The following USP8 variants were observed in gnomAD, a reference collection of about 807,000 sequenced individuals.
The protein encoded by USP8 is ubiquitin carboxyl-terminal hydrolase 8.
A neutral mutation model predicts 130.0 loss-of-function variants in USP8; 27 were observed. That is an observed-to-expected ratio of 0.21 (90% CI 0.15 to 0.29). The LOEUF (loss-of-function observed/expected upper bound fraction) is 0.29. Ranked by LOEUF, USP8 falls within the 10% of genes least tolerant of loss-of-function variation. The pLI, the probability that USP8 is intolerant of heterozygous loss-of-function variation, is 1.00. For missense variants in USP8, 1,029 were observed against 1,312.2 expected (o/e 0.78, Z 3.33); for synonymous variants, 392 against 444.1 (o/e 0.88, Z 1.48).
At chr15:50,484,635 A>C (rs1470341176) in intron 12 of USP8, among the ~76,000 whole-genome samples, 2 of 152,234 alleles carry the variant, frequency 1.3e-5, no homozygotes, top group East Asian at 3.8e-4. Context: ...ATGATCCAGC[A>C]ATTCTACTTC....
chr15:50,459,354 C>T (rs574746924), intron 5 of USP8, among the ~76,000 whole-genome samples, 192 bp downstream of exon 5: 108 of 152,250 alleles, frequency 7.1e-4, no homozygotes, highest in Admixed American at 6.5e-5. Flanking sequence ...GAGGCCGAGG[C>T]GGGCAGATCA....
At chr15:50,484,492 T>TCA in intron 12 of USP8, 131 bp downstream of exon 12, 1 of 686,268 alleles carries the variant, frequency 1.5e-6, no homozygotes, top group Admixed American at 3.7e-5. Flanking sequence ...CCATCTTTGG[T>TCA]AGCTGGTGTT....
chr15:50,490,137 CG>C, intron 13 of USP8, 125 bp from the exon 14 acceptor site: 1 of 1,103,400 alleles, frequency 9.1e-7, no homozygotes, highest in Non-Finnish European at 1.3e-6. Context: ...TGAAGTTTAT[CG>C]CCATTTTATT....
At chr15:50,442,447 A>C (rs949745432) in intron 3 of USP8, among the ~76,000 whole-genome samples, 1 of 152,188 alleles carries the variant, frequency 6.6e-6, no homozygotes. Context: ...TTGTATTAGA[A>C]ACTAGCAAAA....
chr15:50,471,668 A>G lies in USP8; in HGVS notation c.722A>G (p.Asp241Gly), dbSNP rs757443139. 8 of 1,613,788 alleles carry G rather than the reference A, an allele frequency of 5.0e-6. No homozygotes were observed. Among genetic ancestry groups the G allele is most frequent in the African/African-American group, 2.7e-5 (2 of 74,938 alleles). ...AGTTGGATTGAAGCACACCTGCCAG[A>G]TGATTCTAAAGACACATGGAAGAAG... ...TASWIEAHLP[D>G]DSKDTWKKRG... is the part of the protein sequence containing the mutation. The change falls in exon 8 of 20, where the codon GAT (aspartate) becomes GGT (glycine). Residue 241 changes from aspartate to glycine, a missense_variant. Transcript: ENST00000307179.
In USP8 at chr15:50,472,343, C is replaced by G. The variant is rs907915268; in HGVS notation, c.849+548C>G. Reference sequence around the variant, plus strand: ...AGGCGCGGTGGCTCAAGCCTGTAACCCCAGCACTTTGGGAGGCTGAGGTGG... The same window carrying G: ...AGGCGCGGTGGCTCAAGCCTGTAACGCCAGCACTTTGGGAGGCTGAGGTGG... On this transcript the variant is annotated intron_variant, in intron 8 of 19. Transcript: ENST00000307179. Among the ~76,000 whole-genome samples the G allele has an allele frequency of 5.3e-5, 8 of 151,626 alleles. No individual in the cohort carries two copies. The East Asian group carries it at 1.4e-3, about 26-fold the overall frequency.
intron 14 of USP8, 112 bp from the exon 15 acceptor site, chr15:50,492,588 GT>G (rs2052217955): frequency 9.8e-7 from 1 of 1,017,458 alleles, no homozygotes. Flanking sequence ...CATATTAACT[GT>G]TTACAAGATG....
At position 50,499,094 on chromosome 15, in the gene USP8, CAT is replaced by C; in HGVS notation, c.*8_*9del. On this transcript the variant is annotated 3_prime_UTR_variant, in exon 20 of 20. Transcript: ENST00000307179. The stretch of plus-strand genomic sequence containing the variant: ...TAACTGATGTAGCCACATAAGGAGA[CAT>C]AGGTTATAAACTAGTTATCTTTTAA... 1 of 1,587,808 alleles carries C rather than the reference CAT, an allele frequency of 6.3e-7. No individual in the cohort carries two copies. The highest frequency in any genetic ancestry group is 1.1e-5 in the South Asian group (1 of 87,578).
chr15:50,449,521 T>C, intron 4 of USP8, 36 bp downstream of exon 4: 2 of 1,319,514 alleles, frequency 1.5e-6, no homozygotes, highest in Non-Finnish European at 2.0e-6. Context: ...ATAATGTAAA[T>C]TTAGAAGATA....
rs766331208 is a variant in USP8 at position 50,476,871 on chromosome 15, G to A, written c.872G>A (p.Arg291His). The A allele has an allele frequency of 1.8e-5, 29 of 1,588,752 alleles. No individual in the cohort carries two copies. Among genetic ancestry groups the A allele is most frequent in the South Asian group, 4.7e-5 (4 of 85,262 alleles). ...LFKWESKTVL[R>H]NEPLVLEGGY... ...TAGTGGGAAAGTAAAACTGTCCTGCGCAATGAGCCTTTGGTTTTAGAGGGA... is the reference window on the plus strand; with the variant it reads ...TAGTGGGAAAGTAAAACTGTCCTGCACAATGAGCCTTTGGTTTTAGAGGGA... The change falls in exon 9 of 20, where the codon CGC becomes CAC. Residue 291 changes from arginine to histidine, a missense_variant. Physicochemically the swap from Arg to His is conservative, Grantham distance 29. This residue lies in a region of USP8 where 281 missense variants were observed against 336.7 expected (regional missense o/e 0.83). Coordinates refer to ENST00000307179, the MANE Select transcript of USP8 (RefSeq NM_005154.5).
At chr15:50,497,025 G>A in intron 17 of USP8, 64 bp from the exon 18 acceptor site, 1 of 1,534,908 alleles carries the variant, frequency 6.5e-7, no homozygotes, top group South Asian at 1.3e-5. Context: ...AACTAAATAG[G>A]TGCTCTCTGA....
chr15:50,471,787 C>T lies in USP8; in HGVS notation c.841C>T (p.Leu281Phe). The change falls in exon 8 of 20, where the codon CTT becomes TTT. Residue 281 changes from leucine to phenylalanine, a missense_variant. Physicochemically the swap from Leu to Phe is conservative, Grantham distance 22 (BLOSUM62 0). Around this residue, in one of 4 missense-constraint regions of USP8, gnomAD observed 281 missense variants for 336.7 expected, o/e 0.83. Transcript: ENST00000307179. ...AACTCTCCGGAGTCTGAAAGATGCACTTTTCAAGGTTTGCAAGTTTCATTG... is the reference window on the plus strand; with the variant it reads ...AACTCTCCGGAGTCTGAAAGATGCATTTTTCAAGGTTTGCAAGTTTCATTG... ...GTTLRSLKDA[L>F]FKWESKTVLR... 6.2e-7 allele frequency: 1 copy of T among 1,613,480 alleles called. No homozygotes were observed. The highest frequency in any genetic ancestry group is 1.7e-5 in the Admixed American group (1 of 59,916).
rs959634953 is a variant in USP8 at position 50,494,138 on chromosome 15, C to T, written c.2516C>T (p.Thr839Ile). 1.2e-6 allele frequency: 2 copies of T among 1,612,402 alleles called. No individual in the cohort carries two copies. Among genetic ancestry groups the T allele is most frequent in the South Asian group, 1.1e-5 (1 of 90,794 alleles). ...EFGIIMKALW[T>I]GQYRYISPKD... is the part of the protein sequence containing the mutation. ...GGTATAATCATGAAAGCCCTGTGGA[C>T]AGGACAGTATAGATATATCAGTCCA... is the stretch of plus-strand genomic sequence containing the variant. The change falls in exon 16 of 20, where the codon ACA becomes ATA. Residue 839 changes from threonine (T) to isoleucine (I), a missense_variant. Thr to Ile is a moderately conservative substitution (Grantham distance 89, BLOSUM62 -1). Transcript: ENST00000307179.
chr15:50,490,828 T>C (rs1259398455), intron 14 of USP8, among the ~76,000 whole-genome samples: 1 of 152,206 alleles, frequency 6.6e-6, no homozygotes, highest in East Asian at 1.9e-4. Context: ...AGACCGCCTG[T>C]GGTCCCGGAA....
At position 50,511,813 on chromosome 15, in the gene USP8, A is replaced by G. The variant is rs1025538636; in HGVS notation, c.*12725A>G. The G allele has an allele frequency of 2.0e-5, 3 of 152,328 alleles. No homozygotes were observed. The highest frequency in any genetic ancestry group is 1.9e-4 in the East Asian group (1 of 5,186). The allele number at this position is 152,328 out of a possible 1,614,324, so 9.4% of individuals were successfully genotyped here. Reference sequence around the variant, plus strand: ...GGAGTTTGAGACCAGCCTGGGCAATATAGCAAAACCCCATCTCAACCAAAA... The same window carrying G: ...GGAGTTTGAGACCAGCCTGGGCAATGTAGCAAAACCCCATCTCAACCAAAA... On this transcript the variant is annotated 3_prime_UTR_variant, in exon 20 of 20. Transcript: ENST00000307179.
intron 17 of USP8, among the ~76,000 whole-genome samples, chr15:50,496,411 G>A (rs544913007): frequency 6.6e-6 from 1 of 151,368 alleles, no homozygotes; most frequent in Non-Finnish European, 1.5e-5. Flanking sequence ...AACCCTGGAG[G>A]CGGAGTTTAC....
intron 7 of USP8, among the ~76,000 whole-genome samples, chr15:50,469,179 A>G (rs888627453): frequency 1.3e-5 from 2 of 152,128 alleles, no homozygotes; most frequent in African/African-American, 2.4e-5. Flanking sequence ...TTACTTAAAT[A>G]TTTTATTTAT....
chr15:50,458,474 T>C (rs2050867248), intron 4 of USP8: 1 of 157,080 alleles, frequency 6.4e-6, no homozygotes, highest in Admixed American at 6.3e-5. Flanking sequence ...AGGGAATAGT[T>C]CTAAATTCCT....
chr15:50,441,602 C>A, intron 3 of USP8, 109 bp downstream of exon 3: 1 of 893,844 alleles, frequency 1.1e-6, no homozygotes, highest in Non-Finnish European at 1.6e-6. Context: ...AAATTATATG[C>A]AGCATGATCT....
Sources: allele counts gnomAD v4.1 joint callset (sites outside exome capture counted in the v4.1 genomes callset), GRCh38; gene constraint gnomAD v4.1.1; regional missense constraint gnomAD v4.1.1; transcripts MANE v1.5; gene names NCBI Gene and HGNC (gene_info 2026-07-23, HGNC 2026-07-21).